Variants in PTGES3 observed in about 807,000 individuals in gnomAD.
PTGES3 encodes prostaglandin E synthase 3, also known as Hsp90 co-chaperone.
In PTGES3, 5 loss-of-function variants were observed where a neutral mutation model predicts 29.9. That is an observed-to-expected ratio of 0.17 (90% CI 0.09 to 0.35). The LOEUF is 0.35. PTGES3 is among the 10% of genes least tolerant of loss of function. The probability of loss-of-function intolerance (pLI) is 1.00; values close to 1 mark genes in which losing one functional copy is unlikely to be tolerated. For missense variants in PTGES3, 128 were observed against 190.0 expected (o/e 0.67, Z 1.92); for synonymous variants, 49 against 57.8 (o/e 0.85, Z 0.69).
At chr12:56,679,527 G>C (rs146586625) in intron 1 of PTGES3, among the ~76,000 whole-genome samples, 2 of 151,982 alleles carry the variant, frequency 1.3e-5, no homozygotes, top group Admixed American at 6.6e-5. Flanking sequence ...AATCTATAGG[G>C]ATATTACTAT....
chr12:56,677,039 C>T (rs949252515), intron 1 of PTGES3, among the ~76,000 whole-genome samples: 3 of 150,724 alleles, frequency 2.0e-5, no homozygotes, highest in African/African-American at 7.3e-5. Context: ...AGTTCAAGAC[C>T]AGCCTGGCCA....
intron 1 of PTGES3, among the ~76,000 whole-genome samples, chr12:56,681,445 G>A (rs1428215164): frequency 2.0e-5 from 3 of 149,940 alleles, no homozygotes; most frequent in African/African-American, 7.4e-5. Context: ...GGCTGAGGCA[G>A]GAGAATGGCG....
chr12:56,671,057 C>A (rs1427258788), intron 4 of PTGES3, among the ~76,000 whole-genome samples: 1 of 152,006 alleles, frequency 6.6e-6, no homozygotes, highest in Non-Finnish European at 1.5e-5. Context: ...CTACAGTGAG[C>A]CATGTTCACA....
intron 1 of PTGES3, among the ~76,000 whole-genome samples, chr12:56,684,969 T>G (rs762080367): frequency 6.6e-5 from 10 of 151,956 alleles, no homozygotes; most frequent in Non-Finnish European, 1.5e-4. Flanking sequence ...TAAAAAAAAT[T>G]TATTAGCCAG....
At chr12:56,673,697 G>A (rs968636634) in intron 1 of PTGES3, among the ~76,000 whole-genome samples, 4 of 150,636 alleles carry the variant, frequency 2.7e-5, no homozygotes, top group Non-Finnish European at 4.4e-5. Flanking sequence ...GGAGGCTGAG[G>A]CAGGAGCATC....
At chr12:56,664,685 C>G (rs781699549) in intron 7 of PTGES3, 91 bp downstream of exon 7, 3 of 1,479,128 alleles carry the variant, frequency 2.0e-6, no homozygotes, top group African/African-American at 2.8e-5. Context: ...GAAAAAATTA[C>G]TTTACTTCCA....
intron 1 of PTGES3, chr12:56,687,610 A>C: frequency 9.1e-7 from 1 of 1,096,130 alleles, no homozygotes. Flanking sequence ...CCACAAAGCA[A>C]CAGAACCGGA....
At chr12:56,669,094 C>CT (rs1951897706) in intron 5 of PTGES3, among the ~76,000 whole-genome samples, 2 of 149,206 alleles carry the variant, frequency 1.3e-5, no homozygotes, top group South Asian at 4.3e-4. Context: ...ACTGCAACCT[C>CT]TACCTCCTGG....
intron 1 of PTGES3, among the ~76,000 whole-genome samples, chr12:56,681,639 G>C (rs1398827260): frequency 6.6e-6 from 1 of 150,576 alleles, no homozygotes; most frequent in Non-Finnish European, 1.5e-5. Context: ...CCTGAGGTCA[G>C]GAATTTGAGA....
intron 6 of PTGES3, chr12:56,665,522 T>C: frequency 1.0e-6 from 1 of 982,372 alleles, no homozygotes; most frequent in African/African-American, 1.7e-5. Flanking sequence ...CTGAAACTCT[T>C]GACCGCATGA....
At chr12:56,683,878 G>T (rs1592283191) in intron 1 of PTGES3, among the ~76,000 whole-genome samples, 1 of 136,780 alleles carries the variant, frequency 7.3e-6, no homozygotes, top group African/African-American at 2.7e-5. Flanking sequence ...AGAATGGCGT[G>T]AACCCCAGGG....
chr12:56,669,898 C>G (rs367565369), intron 5 of PTGES3, among the ~76,000 whole-genome samples: 1 of 150,964 alleles, frequency 6.6e-6, no homozygotes, highest in East Asian at 1.9e-4. Flanking sequence ...GTGTGAGCAC[C>G]GTGCCCGGCC....
intron 1 of PTGES3, among the ~76,000 whole-genome samples, chr12:56,675,910 G>C (rs1278423940): frequency 3.3e-5 from 5 of 152,026 alleles, no homozygotes; most frequent in Admixed American, 6.6e-5. Flanking sequence ...ACAACAGCGT[G>C]AAACTCCGTC....
Position 56,688,088 on chromosome 12 carries a change from ACTCCG to A in PTGES3, c.-94_-90del. 1.4e-6 allele frequency: 2 copies of A among 1,420,132 alleles called. No homozygotes were observed. The highest frequency in any genetic ancestry group is 3.1e-5 in the South Asian group (2 of 64,958). The allele number at this position is 1,420,132 out of a possible 1,614,324, so 88.0% of individuals were successfully genotyped here. A position where few individuals can be genotyped will look rare whatever the true frequency, so the allele number is the denominator to read the frequency against. On this transcript the variant is annotated 5_prime_UTR_variant, in exon 1 of 8. Coordinates refer to ENST00000262033, the MANE Select transcript of PTGES3 (RefSeq NM_006601.7). ...GGGAGTCGACTTCTCTCCGGTGGCG[ACTCCG>A]CTTTTTCTCTCCGGTCGCGGCCTCT...
At chr12:56,679,646 A>G (rs1430552215) in intron 1 of PTGES3, among the ~76,000 whole-genome samples, 1 of 151,928 alleles carries the variant, frequency 6.6e-6, no homozygotes, top group South Asian at 2.1e-4. Flanking sequence ...TTAAAGCTAA[A>G]CTCAGCCCCC....
At chr12:56,670,146 C>A in intron 5 of PTGES3, 129 bp downstream of exon 5, 1 of 622,914 alleles carries the variant, frequency 1.6e-6, no homozygotes, top group Non-Finnish European at 2.9e-6. Context: ...ACTATGACTG[C>A]AAAATGGTCT....
At chr12:56,686,209 G>A (rs751120997) in intron 1 of PTGES3, among the ~76,000 whole-genome samples, 6 of 152,226 alleles carry the variant, frequency 3.9e-5, no homozygotes, top group East Asian at 1.9e-4. Context: ...TTCGCGAAAA[G>A]ATATGTTGTT....
chr12:56,686,892 C>T (rs1952889354), intron 1 of PTGES3: 1 of 397,792 alleles, frequency 2.5e-6, no homozygotes, highest in Non-Finnish European at 4.4e-6. Context: ...TAAAGTCACT[C>T]CCCTCTTCTC....
At chr12:56,682,776 TG>T (rs1952609911) in intron 1 of PTGES3, among the ~76,000 whole-genome samples, 4 of 149,946 alleles carry the variant, frequency 2.7e-5, no homozygotes, top group Non-Finnish European at 5.9e-5. Flanking sequence ...CCTAGCACTT[TG>T]GAAGGCCAAG....
Sources: allele counts gnomAD v4.1 joint callset (sites outside exome capture counted in the v4.1 genomes callset), GRCh38; gene constraint gnomAD v4.1.1; transcripts MANE v1.5; gene names NCBI Gene and HGNC (gene_info 2026-07-23, HGNC 2026-07-21).